DENND4C: variants seen among roughly 807,000 people sequenced by gnomAD.
The protein encoded by DENND4C is DENN domain containing 4C, also known as DENN domain-containing protein 4C.
Under a neutral mutation model 203.0 loss-of-function variants are expected in DENND4C, and 108 were observed. The observed-to-expected ratio is 0.53, with a 90% CI of 0.46 to 0.62. The LOEUF (loss-of-function observed/expected upper bound fraction) is 0.62. Among genes scored for constraint, DENND4C ranks in the 20% least tolerant of loss-of-function variants. The pLI is 0.00. For missense variants in DENND4C, 2,481 were observed against 2,301.2 expected (o/e 1.08, Z -1.60); for synonymous variants, 871 against 792.4 (o/e 1.10, Z -1.67).
At chr9:19,258,600 G>T (rs1348527545) in intron 1 of DENND4C, among the ~76,000 whole-genome samples, 1 of 152,016 alleles carries the variant, frequency 6.6e-6, no homozygotes, top group African/African-American at 2.4e-5. Context: ...AATGATCTCA[G>T]TAGATGCAGA....
chr9:19,296,517 C>G (rs1166444654), intron 6 of DENND4C, among the ~76,000 whole-genome samples: 1 of 152,044 alleles, frequency 6.6e-6, no homozygotes, highest in African/African-American at 2.4e-5. Flanking sequence ...GCACCTGCCA[C>G]CACGCCTGGC....
chr9:19,362,325 G>A (rs2132234075), intron 30 of DENND4C, among the ~76,000 whole-genome samples: 1 of 151,950 alleles, frequency 6.6e-6, no homozygotes, highest in African/African-American at 2.4e-5. Flanking sequence ...CTCAAAATGG[G>A]AACAACTCAA....
chr9:19,343,977 C>A (rs557138713), intron 22 of DENND4C, among the ~76,000 whole-genome samples: 1 of 152,268 alleles, frequency 6.6e-6, no homozygotes, highest in African/African-American at 2.4e-5. Flanking sequence ...GACCAGCTTT[C>A]AAAGCAGGTA....
chr9:19,318,476 A>G (rs147815206), intron 12 of DENND4C, among the ~76,000 whole-genome samples: 1,530 of 152,338 alleles, frequency 0.01, 11 homozygotes, highest in South Asian at 0.013. Flanking sequence ...GATAACAGCT[A>G]TTATCATTCA....
rs1821910221 is a variant in DENND4C at position 19,342,621 on chromosome 9, A to G, written c.3005-12A>G. The stretch of plus-strand genomic sequence containing the variant: ...AAAGTAGGAATGATAACATCCAAAT[A>G]TTTTTTTCCAGAGGTGTGTGATGCC... On this transcript the variant is annotated splice_polypyrimidine_tract_variant and intron_variant, in intron 21 of 32. Coordinates refer to ENST00000434457, the MANE Select transcript of DENND4C (RefSeq NM_001330640.2). The G allele has an allele frequency of 1.9e-6, 3 of 1,578,388 alleles. No homozygotes were observed. The highest frequency in any genetic ancestry group is 2.0e-5 in the Admixed American group (1 of 51,142).
intron 1 of DENND4C, among the ~76,000 whole-genome samples, chr9:19,266,570 C>G (rs1318832005): frequency 6.6e-6 from 1 of 152,136 alleles, no homozygotes; most frequent in Non-Finnish European, 1.5e-5. Context: ...TACGTGACTT[C>G]AAACTATACT....
chr9:19,250,745 A>G (rs1826358849), intron 1 of DENND4C, among the ~76,000 whole-genome samples: 1 of 152,204 alleles, frequency 6.6e-6, no homozygotes, highest in African/African-American at 2.4e-5. Context: ...GCAAGTCTGA[A>G]ATCCAGCGGG....
chr9:19,263,260 C>G (rs569026341), intron 1 of DENND4C, among the ~76,000 whole-genome samples: 58 of 152,292 alleles, frequency 3.8e-4, no homozygotes, highest in African/African-American at 1.3e-3. Flanking sequence ...TTATTTGGAA[C>G]TATCCTTGTC....
intron 27 of DENND4C, 131 bp from the exon 28 acceptor site, chr9:19,357,834 T>G (rs377341190): frequency 6.9e-6 from 5 of 729,314 alleles, no homozygotes. Context: ...ATGCAATTCT[T>G]ACAAGGTGGT....
intron 1 of DENND4C, among the ~76,000 whole-genome samples, chr9:19,237,076 A>G (rs936483644): frequency 1.3e-5 from 2 of 152,006 alleles, no homozygotes; most frequent in Non-Finnish European, 2.9e-5. Context: ...GCTGGAGTGC[A>G]ATGGCACGAT....
At position 19,346,074 on chromosome 9, in the gene DENND4C, C is replaced by T. The variant is rs1482155528; in HGVS notation, c.3305C>T (p.Ala1102Val). The T allele has an allele frequency of 6.2e-7, 1 of 1,614,156 alleles. No homozygotes were observed. The highest frequency in any genetic ancestry group is 8.5e-7 in the Non-Finnish European group (1 of 1,180,034). ...TGTAGTTTTAGTTCTGAAAGTCGAG[C>T]AGGAATGTTGCTTAAGAAGAGTAGT... ...RSCSFSSESR[A>V]GMLLKKSSLD... The change falls in exon 23 of 33, where the codon GCA (alanine) becomes GTA (valine). Residue 1102 changes from alanine to valine, a missense_variant. This residue lies in a region of DENND4C where 2,289 missense variants were observed against 2,113.3 expected (regional missense o/e 1.08). Coordinates refer to ENST00000434457, the MANE Select transcript of DENND4C (RefSeq NM_001330640.2).
chr9:19,319,715 A>G (rs1842562587), intron 12 of DENND4C, among the ~76,000 whole-genome samples: 2 of 152,088 alleles, frequency 1.3e-5, no homozygotes. Flanking sequence ...TAAACAGTCC[A>G]GCATTTGGTC....
chr9:19,232,161 G>A (rs1177777955), intron 1 of DENND4C, among the ~76,000 whole-genome samples: 3 of 152,168 alleles, frequency 2.0e-5, no homozygotes, highest in African/African-American at 4.8e-5. Flanking sequence ...CTGTTAAAGA[G>A]TTGGTAAACT....
chr9:19,332,118 A>G lies in DENND4C; in HGVS notation c.2394A>G (p.Arg798=), dbSNP rs1298678861. ...TTAGAGTTTCTCATCCTAAAGTCAG[A>G]GCACTTCAGCAGGCATATGATGTAC... ...AYVRVSHPKV[R]ALQQAYDVLI... The change falls in exon 17 of 33, where the codon AGA becomes AGG. Residue 798 remains arginine (R), a synonymous_variant. Transcript: ENST00000434457. The G allele has an allele frequency of 1.2e-6, 2 of 1,613,950 alleles. No individual in the cohort carries two copies. The highest frequency in any genetic ancestry group is 1.7e-6 in the Non-Finnish European group (2 of 1,179,990).
chr9:19,303,654 A>T (rs1048055011), intron 9 of DENND4C, among the ~76,000 whole-genome samples: 13 of 152,218 alleles, frequency 8.5e-5, no homozygotes, highest in African/African-American at 3.1e-4. Flanking sequence ...AAGTAAATAA[A>T]TGTTTGAAGA....
At position 19,372,139 on chromosome 9, in the gene DENND4C, G is replaced by GGT; in HGVS notation, c.5845_5846dup (p.Arg1950AlafsTer12). ...GCTCCACCAAGTGCCAGTGTCGAGT[G>GGT]GTGCAGGAAGTGTTTTGGAGCGCCT... On this transcript the variant is annotated frameshift_variant, in exon 33 of 33. Transcript: ENST00000434457. LOFTEE classifies it high-confidence loss of function. 1 of 1,613,680 alleles carries GGT rather than the reference G, an allele frequency of 6.2e-7. No individual in the cohort carries two copies. The highest frequency in any genetic ancestry group is 8.5e-7 in the Non-Finnish European group (1 of 1,179,854).
Position 19,305,470 on chromosome 9 carries a change from T to A in DENND4C, c.1430T>A (p.Leu477His). Reference protein sequence around the residue: ...IVGVDSRYFDLHDPPQDVVCI... With the variant: ...IVGVDSRYFDHHDPPQDVVCI... ...GGAGTTGACTCAAGGTATTTTGATC[T>A]TCATGACCCACCACAAGATGTTGTT... The change falls in exon 10 of 33, where the codon CTT becomes CAT. Residue 477 changes from leucine to histidine, a missense_variant. Transcript: ENST00000434457. 6.2e-7 allele frequency: 1 copy of A among 1,613,904 alleles called. No homozygotes were observed. Among genetic ancestry groups the A allele is most frequent in the Non-Finnish European group, 8.5e-7 (1 of 1,179,964 alleles).
chr9:19,365,752 A>G (rs901443722), intron 30 of DENND4C, among the ~76,000 whole-genome samples: 34 of 114,050 alleles, frequency 3.0e-4, no homozygotes, highest in African/African-American at 7.9e-4. Flanking sequence ...TAAGATCAGT[A>G]TAGAGAAATC....
chr9:19,349,094 C>T (rs774532621), intron 23 of DENND4C, among the ~76,000 whole-genome samples: 31 of 152,260 alleles, frequency 2.0e-4, no homozygotes, highest in Non-Finnish European at 3.5e-4. Flanking sequence ...CCACTGCACC[C>T]GGCCTTTGTT....
Sources: allele counts gnomAD v4.1 joint callset (sites outside exome capture counted in the v4.1 genomes callset), GRCh38; gene constraint gnomAD v4.1.1; regional missense constraint gnomAD v4.1.1; transcripts MANE v1.5; gene names NCBI Gene and HGNC (gene_info 2026-07-23, HGNC 2026-07-21).